Variants in SUSD4 observed in about 807,000 individuals in gnomAD.
SUSD4 encodes sushi domain-containing protein 4.
Under a neutral mutation model 50.5 loss-of-function variants are expected in SUSD4, and 41 were observed. That is an observed-to-expected ratio of 0.81 (90% CI 0.63 to 1.05). The LOEUF (loss-of-function observed/expected upper bound fraction) is 1.05. Ranked by LOEUF, SUSD4 falls within the 50% of genes least tolerant of loss-of-function variation. The probability of loss-of-function intolerance (pLI) is 0.00; values close to 1 mark genes in which losing one functional copy is unlikely to be tolerated. For missense variants in SUSD4, 580 were observed against 634.7 expected (o/e 0.91, Z 0.93); for synonymous variants, 257 against 257.3 (o/e 1.00, Z 0.01).
intron 3 of SUSD4, among the ~76,000 whole-genome samples, chr1:223,281,757 A>C (rs1473966673): frequency 6.6e-6 from 1 of 152,190 alleles, no homozygotes; most frequent in Non-Finnish European, 1.5e-5. Flanking sequence ...CATCATCCTG[A>C]TACCAAAGCC....
chr1:223,252,842 C>T (rs2103046520), intron 5 of SUSD4, among the ~76,000 whole-genome samples: 1 of 151,984 alleles, frequency 6.6e-6, no homozygotes, highest in African/African-American at 2.4e-5. Flanking sequence ...AGGCTCATGT[C>T]TGTAATTCCA....
At chr1:223,223,166 GC>G in intron 8 of SUSD4, 82 bp downstream of exon 8, 2 of 1,485,956 alleles carry the variant, frequency 1.3e-6, no homozygotes, top group South Asian at 1.4e-5. Context: ...GGGGGGTGGA[GC>G]GTGCGTAGCA....
At chr1:223,243,144 G>A (rs1003532766) in intron 5 of SUSD4, among the ~76,000 whole-genome samples, 1 of 152,138 alleles carries the variant, frequency 6.6e-6, no homozygotes, top group South Asian at 2.1e-4. Context: ...CCTCCCTGGA[G>A]CACATCAGCC....
chr1:223,262,069 A>C (rs1662163102), intron 5 of SUSD4, among the ~76,000 whole-genome samples: 1 of 152,128 alleles, frequency 6.6e-6, no homozygotes, highest in African/African-American at 2.4e-5. Flanking sequence ...TCCCTCCATG[A>C]CCAGCCTGGT....
intron 3 of SUSD4, among the ~76,000 whole-genome samples, chr1:223,278,272 C>T (rs1167196104): frequency 1.3e-5 from 2 of 152,152 alleles, no homozygotes; most frequent in African/African-American, 4.8e-5. Flanking sequence ...GAGGCATCAC[C>T]TCACCCAGGA....
At chr1:223,243,802 T>A (rs1432681985) in intron 5 of SUSD4, among the ~76,000 whole-genome samples, 1 of 152,312 alleles carries the variant, frequency 6.6e-6, no homozygotes, top group East Asian at 1.9e-4. Flanking sequence ...AATTCCTCCA[T>A]CGTCTCTTCC....
At chr1:223,304,159 G>A (rs1455747514) in intron 2 of SUSD4, among the ~76,000 whole-genome samples, 3 of 152,152 alleles carry the variant, frequency 2.0e-5, no homozygotes, top group Non-Finnish European at 4.4e-5. Flanking sequence ...CTCTCCACAA[G>A]GGTCGCATTC....
intron 2 of SUSD4, among the ~76,000 whole-genome samples, chr1:223,352,802 C>G (rs960854738): frequency 6.6e-6 from 1 of 152,090 alleles, no homozygotes; most frequent in African/African-American, 2.4e-5. Context: ...TCAAATGCAA[C>G]TCCCAGTTCA....
intron 2 of SUSD4, among the ~76,000 whole-genome samples, chr1:223,316,453 G>T (rs570463946): frequency 9.9e-5 from 15 of 152,086 alleles, no homozygotes; most frequent in Non-Finnish European, 1.8e-4. Context: ...GGCCACATGG[G>T]AACCTGGAGG....
rs144789273 is a variant in SUSD4 at position 223,250,536 on chromosome 1, T to G, written c.724+14094A>C. 4.0e-3 allele frequency among the ~76,000 whole-genome samples: 614 copies of G among 152,330 alleles called. 2 individuals are homozygous for G. The highest frequency in any genetic ancestry group is 0.014 in the African/African-American group (584 of 41,578). On this transcript the variant is annotated intron_variant, in intron 5 of 8. Coordinates refer to ENST00000366878, the MANE Select transcript of SUSD4 (RefSeq NM_017982.4). ...AACAGCGAGCTGGGACAGGACCTTATGTGCTGCTGACTCCAAAGCTGCCAT... is the reference window on the plus strand; with the variant it reads ...AACAGCGAGCTGGGACAGGACCTTAGGTGCTGCTGACTCCAAAGCTGCCAT...
At chr1:223,254,263 C>T (rs921163561) in intron 5 of SUSD4, among the ~76,000 whole-genome samples, 2 of 152,042 alleles carry the variant, frequency 1.3e-5, no homozygotes, top group African/African-American at 4.8e-5. Context: ...CTTGATTTGG[C>T]GGGAGAGGTA....
In SUSD4 at chr1:223,223,609, T is replaced by C. The variant is rs1018682287; in HGVS notation, c.1084A>G (p.Ser362Gly). ...PPRGPPRSSS[S>G]DPDFVVVDGV... ...TCTACCACCACAAAGTCAGGGTCAC[T>C]GCTGGAACTCCGGGGAGGCCCCCTG... Residue 362 changes from serine to glycine, a missense_variant, in exon 8 of 9, where the codon AGT (serine) becomes GGT (glycine). Ser to Gly is a moderately conservative substitution (Grantham distance 56). Coordinates refer to ENST00000366878, the MANE Select transcript of SUSD4 (RefSeq NM_017982.4). The C allele has an allele frequency of 1.2e-5, 19 of 1,609,014 alleles. No individual in the cohort carries two copies. Among genetic ancestry groups the C allele is most frequent in the Non-Finnish European group, 1.6e-5 (19 of 1,176,860 alleles).
At chr1:223,311,541 G>C (rs1052923647) in intron 2 of SUSD4, among the ~76,000 whole-genome samples, 2 of 152,118 alleles carry the variant, frequency 1.3e-5, no homozygotes, top group Non-Finnish European at 2.9e-5. Flanking sequence ...CCTAATTTAC[G>C]GTTTAAGTGG....
intron 2 of SUSD4, among the ~76,000 whole-genome samples, chr1:223,313,220 T>C (rs1665982313): frequency 6.6e-6 from 1 of 152,120 alleles, no homozygotes; most frequent in African/African-American, 2.4e-5. Context: ...TCACATGATC[T>C]CAGTCTGACC....
intron 3 of SUSD4, among the ~76,000 whole-genome samples, chr1:223,270,724 T>C (rs1662858829): frequency 1.3e-5 from 2 of 152,120 alleles, no homozygotes; most frequent in African/African-American, 2.4e-5. Context: ...TGCATGCCAC[T>C]GTGCCCAGCT....
At chr1:223,365,180 A>G (rs1209190495), upstream of SUSD4, among the ~76,000 whole-genome samples, 1 of 151,930 alleles carries the variant, frequency 6.6e-6, no homozygotes, top group Non-Finnish European at 1.5e-5. Flanking sequence ...CCAAGTGGAG[A>G]GAGTTGGCCT....
At chr1:223,239,677 T>C (rs1054278513) in intron 5 of SUSD4, among the ~76,000 whole-genome samples, 5 of 152,010 alleles carry the variant, frequency 3.3e-5, no homozygotes, top group African/African-American at 1.2e-4. Flanking sequence ...TTTCATCCCT[T>C]GTACCATTGC....
In SUSD4 at chr1:223,229,565, T is replaced by A; in HGVS notation, c.725-177A>T. 1.7e-6 allele frequency: 1 copy of A among 579,980 alleles called. No homozygotes were observed. The highest frequency in any genetic ancestry group is 2.8e-5 in the East Asian group (1 of 35,556). The allele number at this position is 579,980 out of a possible 1,614,324, so 35.9% of individuals were successfully genotyped here. ...TTTTAGTATTTCATGGAAGGCGGAATGGAAGCCTGCTGTAATATTCTGAGC... is the reference window on the plus strand; with the variant it reads ...TTTTAGTATTTCATGGAAGGCGGAAAGGAAGCCTGCTGTAATATTCTGAGC... On this transcript the variant is annotated intron_variant, in intron 5 of 8. Coordinates refer to ENST00000366878, the MANE Select transcript of SUSD4 (RefSeq NM_017982.4). The surrounding 1 kb of genome is among the most constrained non-coding windows in gnomAD (Gnocchi z 4.7).
At chr1:223,272,441 G>A (rs973774383) in intron 3 of SUSD4, among the ~76,000 whole-genome samples, 12 of 152,162 alleles carry the variant, frequency 7.9e-5, no homozygotes, top group African/African-American at 2.9e-4. Flanking sequence ...AGGCAGCATT[G>A]CATATTTATA....
Sources: allele counts gnomAD v4.1 joint callset (sites outside exome capture counted in the v4.1 genomes callset), GRCh38; gene constraint gnomAD v4.1.1; non-coding constraint Gnocchi (gnomAD v3.1); transcripts MANE v1.5; gene names NCBI Gene and HGNC (gene_info 2026-07-23, HGNC 2026-07-21).